Variants in CCNC observed in about 807,000 individuals in gnomAD.
The protein encoded by CCNC is cyclin-C.
In CCNC, 19 loss-of-function variants were observed where a neutral mutation model predicts 50.0. That is an observed-to-expected ratio of 0.38 (90% CI 0.27 to 0.56). The LOEUF (loss-of-function observed/expected upper bound fraction) is 0.56. Ranked by LOEUF, CCNC falls within the 20% of genes least tolerant of loss-of-function variation. The pLI is 0.72. For synonymous variants in CCNC, 93 were observed against 103.7 expected (o/e 0.90, Z 0.63); for missense variants, 200 against 327.1 (o/e 0.61, Z 3.00).
chr6:99,567,228 CT>C (rs1384363275), intron 1 of CCNC, among the ~76,000 whole-genome samples: 1 of 150,306 alleles, frequency 6.7e-6, no homozygotes, highest in East Asian at 2.0e-4. Flanking sequence ...CAGTCAGCTA[CT>C]TGTCAATTCT....
chr6:99,561,592 C>T lies in CCNC; in HGVS notation c.224+5G>A. 6.3e-7 allele frequency: 1 copy of T among 1,589,110 alleles called. No homozygotes were observed. On this transcript the variant is annotated splice_donor_5th_base_variant and intron_variant, in intron 3 of 11. Transcript: ENST00000520429. ...TTCAAATAAATAAAATAAAAACAATCCTACCTGGCATAGAATCTCTTGAAA... is the reference window on the plus strand; with the variant it reads ...TTCAAATAAATAAAATAAAAACAATTCTACCTGGCATAGAATCTCTTGAAA...
Position 99,561,631 on chromosome 6 carries a change from T to A in CCNC, c.190A>T (p.Thr64Ser). ...AATCTCTTGAAATATACCGTAGCAGTGGCAATAACTTGTTGTCTTAATTTA... is the reference window on the plus strand; with the variant it reads ...AATCTCTTGAAATATACCGTAGCAGAGGCAATAACTTGTTGTCTTAATTTA... ...HLKLRQQVIA[T>S]ATVYFKRFYA... Residue 64 changes from threonine (T) to serine (S), a missense_variant, in exon 3 of 12, where the codon ACT (threonine) becomes TCT (serine). Coordinates refer to ENST00000520429, the MANE Select transcript of CCNC (RefSeq NM_005190.4). 6.2e-7 allele frequency: 1 copy of A among 1,610,706 alleles called. No homozygotes were observed.
intron 4 of CCNC, among the ~76,000 whole-genome samples, chr6:99,559,444 A>C (rs1802681529): frequency 6.6e-6 from 1 of 152,204 alleles, no homozygotes; most frequent in African/African-American, 2.4e-5. Flanking sequence ...AAAAGGAGCT[A>C]AACTAAAAAT....
At position 99,545,162 on chromosome 6, in the gene CCNC, C is replaced by T. The variant is rs756028345; in HGVS notation, c.747G>A (p.Glu249=). Residue 249 remains glutamate, a synonymous_variant, in exon 11 of 12, where the codon GAG becomes GAA. Transcript: ENST00000520429. ...GCATCTTACTAAGAATGGTTGCCAT[C>T]TCTTTTCTCTCATCGAAATTCTTCC... The part of the protein sequence containing the change: ...EQWKNFDERK[E]MATILSKMPK... 6 of 1,611,690 alleles carry T rather than the reference C, an allele frequency of 3.7e-6. No homozygotes were observed. The highest frequency in any genetic ancestry group is 5.1e-6 in the Non-Finnish European group (6 of 1,178,014).
intron 1 of CCNC, among the ~76,000 whole-genome samples, chr6:99,565,776 T>C (rs1390145457): frequency 1.3e-5 from 2 of 152,036 alleles, no homozygotes; most frequent in Non-Finnish European, 2.9e-5. Flanking sequence ...ATATTGACTA[T>C]ATTTCTATAA....
At chr6:99,543,791 T>A in intron 11 of CCNC, 182 bp from the exon 12 acceptor site, 1 of 1,408,548 alleles carries the variant, frequency 7.1e-7, no homozygotes, top group Non-Finnish European at 9.2e-7. Flanking sequence ...TGGTTTTATG[T>A]TTTTATTCTT....
At chr6:99,567,043 T>C in intron 1 of CCNC, 1 of 388,508 alleles carries the variant, frequency 2.6e-6, no homozygotes, top group Non-Finnish European at 5.0e-6. Context: ...TTAGGACTAT[T>C]TGAATTGGGA....
chr6:99,568,681 C>G (rs776037215), upstream of CCNC: 33 of 1,483,306 alleles, frequency 2.2e-5, no homozygotes, highest in Non-Finnish European at 2.9e-5. Context: ...AGAGGATGGC[C>G]CCCTAGTCTC....
intron 4 of CCNC, among the ~76,000 whole-genome samples, chr6:99,560,282 T>C (rs1422685641): frequency 1.3e-5 from 2 of 152,202 alleles, no homozygotes; most frequent in Non-Finnish European, 2.9e-5. Flanking sequence ...ATTAGAAAAC[T>C]CAATCCATAA....
chr6:99,558,204 G>A (rs541420384), intron 5 of CCNC: 11 of 388,604 alleles, frequency 2.8e-5, no homozygotes, highest in African/African-American at 6.2e-5. Context: ...AATAAAATTC[G>A]GAAACAGAAT....
intron 4 of CCNC, among the ~76,000 whole-genome samples, chr6:99,560,781 T>C (rs1171805673): frequency 6.6e-6 from 1 of 152,266 alleles, no homozygotes; most frequent in Non-Finnish European, 1.5e-5. Context: ...CAACTTTTAC[T>C]TGTTAGACTC....
intron 1 of CCNC, chr6:99,568,028 T>C: frequency 6.3e-6 from 1 of 158,458 alleles, no homozygotes; most frequent in Non-Finnish European, 1.4e-5. Flanking sequence ...GACTCTCTCC[T>C]CTCCTCATAA....
At chr6:99,553,824 T>C (rs1802406771) in intron 5 of CCNC, among the ~76,000 whole-genome samples, 1 of 152,234 alleles carries the variant, frequency 6.6e-6, no homozygotes, top group African/African-American at 2.4e-5. Context: ...TACTTTCTTA[T>C]ATTAGCCCAA....
chr6:99,566,859 G>A (rs1483029115), intron 1 of CCNC: 9 of 422,726 alleles, frequency 2.1e-5, no homozygotes, highest in Non-Finnish European at 4.2e-5. Context: ...ATGAAATATA[G>A]CATATTTAAT....
intron 2 of CCNC, 82 bp downstream of exon 2, chr6:99,562,760 A>G (rs1802835704): frequency 2.8e-6 from 2 of 719,904 alleles, no homozygotes; most frequent in Non-Finnish European, 2.3e-6. Flanking sequence ...GCACTAAAAC[A>G]GTTCACAAAT....
intron 2 of CCNC, 33 bp downstream of exon 2, chr6:99,562,809 A>G (rs995850396): frequency 1.9e-5 from 24 of 1,248,622 alleles, no homozygotes; most frequent in African/African-American, 9.0e-5. Flanking sequence ...GTAACCAACT[A>G]TACAATTTGA....
At chr6:99,543,888 T>G in intron 11 of CCNC, 1 of 1,289,546 alleles carries the variant, frequency 7.8e-7, no homozygotes, top group Non-Finnish European at 9.8e-7. Context: ...GGTATGGGAT[T>G]TCATTGTTAT....
intron 1 of CCNC, among the ~76,000 whole-genome samples, chr6:99,566,268 GTCTT>G (rs10605429): frequency 0.65 from 97,832 of 150,856 alleles, 32,078 homozygotes; most frequent in East Asian, 0.9. Context: ...TCTATTTTAA[GTCTT>G]TCTGTTTCTT....
intron 9 of CCNC, among the ~76,000 whole-genome samples, chr6:99,548,037 T>C (rs1802138240): frequency 6.6e-6 from 1 of 152,106 alleles, no homozygotes. Flanking sequence ...GAGGAACATA[T>C]TTTGGGGCAA....
Sources: allele counts gnomAD v4.1 joint callset (sites outside exome capture counted in the v4.1 genomes callset), GRCh38; gene constraint gnomAD v4.1.1; transcripts MANE v1.5; gene names NCBI Gene and HGNC (gene_info 2026-07-23, HGNC 2026-07-21).